ARR3: variants seen among roughly 807,000 people sequenced by gnomAD.
ARR3 encodes arrestin 3, also known as arrestin-C.
Under a neutral mutation model 35.4 loss-of-function variants are expected in ARR3, and 14 were observed. The ratio of observed to expected loss-of-function variants is 0.40; its 90% confidence interval spans 0.26 to 0.62. ARR3 has a LOEUF of 0.62. ARR3 is among the 20% of genes least tolerant of loss of function. The probability of loss-of-function intolerance (pLI) is 0.46; values close to 1 mark genes in which losing one functional copy is unlikely to be tolerated. For synonymous variants in ARR3, 97 were observed against 119.1 expected (o/e 0.81, Z 1.21); for missense variants, 259 against 303.8 (o/e 0.85, Z 1.10).
intron 5 of ARR3, 21 bp downstream of exon 5, chrX:70,270,165 G>A: frequency 8.3e-7 from 1 of 1,201,343 alleles, no homozygotes; most frequent in Non-Finnish European, 1.1e-6. Context: ...ATCCTTGTTG[G>A]TCTTTGTATG....
intron 5 of ARR3, among the ~76,000 whole-genome samples, chrX:70,272,888 T>C (rs1232783719): frequency 1.8e-5 from 2 of 112,579 alleles, no homozygotes; most frequent in Non-Finnish European, 3.7e-5. Context: ...AGTTGCTTTC[T>C]ACTCAAGTGC....
intron 5 of ARR3, among the ~76,000 whole-genome samples, chrX:70,275,311 G>A (rs148430866): frequency 1.8e-3 from 204 of 112,042 alleles, no homozygotes; most frequent in Middle Eastern, 0.014. Context: ...ATCTTATCTC[G>A]TTGTGGTTTT....
chrX:70,277,521 G>C lies in ARR3; in HGVS notation c.601G>C (p.Asp201His). ...GCCCCTACAACTCCAGGCCTGGATG[G>C]ACAGGGAGGTTTGTGACCCCCACTT... is the stretch of plus-strand genomic sequence containing the variant. ...AQPLQLQAWMDREVHYHGEPI... is the reference protein window; with the variant it reads ...AQPLQLQAWMHREVHYHGEPI... The change falls in exon 9 of 17, where the codon GAC (aspartate) becomes CAC (histidine). Residue 201 changes from aspartate (D) to histidine (H), a missense_variant. By Grantham distance (81) the Asp-to-His change is moderately conservative. Transcript: ENST00000307959. 1 of 1,209,720 alleles carries C rather than the reference G, an allele frequency of 8.3e-7. No homozygotes were observed. Among genetic ancestry groups the C allele is most frequent in the Non-Finnish European group, 1.1e-6 (1 of 894,621 alleles).
intron 14 of ARR3, 66 bp from the exon 15 acceptor site, chrX:70,280,700 G>C: frequency 8.3e-7 from 1 of 1,202,846 alleles, no homozygotes; most frequent in Non-Finnish European, 1.1e-6. Context: ...GAAAACTAAG[G>C]GAGGGAGGTT....
intron 15 of ARR3, 104 bp from the exon 16 acceptor site, chrX:70,280,994 TG>T: frequency 3.2e-6 from 2 of 623,156 alleles, no homozygotes. Flanking sequence ...AGCAAAGGAT[TG>T]GGAAGTTGGG....
At chrX:70,274,601 G>C (rs1299187053) in intron 5 of ARR3, among the ~76,000 whole-genome samples, 1 of 112,527 alleles carries the variant, frequency 8.9e-6, no homozygotes, top group East Asian at 2.8e-4. Flanking sequence ...ATAAAGAACA[G>C]ATATTTATTT....
intron 16 of ARR3, 133 bp from the exon 17 acceptor site, chrX:70,281,543 A>C (rs1260050474): frequency 9.2e-6 from 5 of 540,569 alleles, no homozygotes; most frequent in Non-Finnish European, 1.6e-5. Context: ...TGGGGACACC[A>C]AGAGGGGGCC....
chrX:70,278,780 C>T, intron 12 of ARR3, 139 bp downstream of exon 12: 1 of 829,149 alleles, frequency 1.2e-6, no homozygotes, highest in Non-Finnish European at 1.6e-6. Flanking sequence ...TCAGAGACTC[C>T]TCCAGGCCTA....
Position 70,276,183 on chromosome X carries a change from G to T in ARR3, c.247G>T (p.Val83Phe). ...KDLYVQTLQV[V>F]PAESSSPQGP... ...TCTGTATGTGCAGACCCTGCAAGTG[G>T]TCCCAGCTGAATCCAGCAGCCCTCA... The change falls in exon 6 of 17, where the codon GTC (valine) becomes TTC (phenylalanine). Residue 83 changes from valine (V) to phenylalanine (F), a missense_variant. Physicochemically the swap from Val to Phe is conservative, Grantham distance 50 (BLOSUM62 -1). Coordinates refer to ENST00000307959, the MANE Select transcript of ARR3 (RefSeq NM_004312.3). The T allele has an allele frequency of 2.5e-6, 3 of 1,211,705 alleles. No homozygotes were observed. Among genetic ancestry groups the T allele is most frequent in the Non-Finnish European group, 3.4e-6 (3 of 895,464 alleles).
chrX:70,271,854 T>C (rs777862126), intron 5 of ARR3, among the ~76,000 whole-genome samples: 2 of 111,610 alleles, frequency 1.8e-5, no homozygotes, highest in South Asian at 7.5e-4. Context: ...AACTTTAAAA[T>C]AGATACTGAC....
intron 12 of ARR3, 83 bp downstream of exon 12, chrX:70,278,724 G>A: frequency 1.8e-6 from 2 of 1,107,453 alleles, no homozygotes; most frequent in Non-Finnish European, 2.4e-6. Flanking sequence ...GAGGTTTCAT[G>A]TTCAGTAAAG....
intron 8 of ARR3, among the ~76,000 whole-genome samples, 193 bp downstream of exon 8, chrX:70,276,929 C>A (rs1376982890): frequency 9.0e-6 from 1 of 111,343 alleles, no homozygotes; most frequent in Non-Finnish European, 1.9e-5. Context: ...TGTAATGGGC[C>A]AAAAAAAGAA....
intron 15 of ARR3, 89 bp from the exon 16 acceptor site, chrX:70,281,010 G>T: frequency 1.1e-6 from 1 of 946,217 alleles, no homozygotes; most frequent in Non-Finnish European, 1.4e-6. Flanking sequence ...GTTGGGGGGG[G>T]GGGAAGTAAA....
intron 1 of ARR3, among the ~76,000 whole-genome samples, chrX:70,268,879 C>CCATTCATTCATTCATT (rs58504509): frequency 8.1e-5 from 9 of 110,896 alleles, no homozygotes; most frequent in African/African-American, 3.0e-4. Flanking sequence ...ATTGATTTGT[C>CCATTCATTCATTCATT]CATTCATTCA....
In ARR3 at chrX:70,281,116, AATACAAGAT is replaced by A. The variant is rs1238768860; in HGVS notation, c.1076+9_1076+17del. 5.8e-6 allele frequency: 7 copies of A among 1,207,415 alleles called. No homozygotes were observed. In the African/African-American group the frequency reaches 1.2e-4, roughly 21 times the overall value. The stretch of plus-strand genomic sequence containing the variant: ...TGCTACAGAGGCCGCTAGGTAATGG[AATACAAGAT>A]TGGGAAGCCCCATTCCCCTCTTCCC... On this transcript the variant is annotated intron_variant, in intron 16 of 16. Transcript: ENST00000307959.
At chrX:70,280,077 C>A in intron 12 of ARR3, 118 bp from the exon 13 acceptor site, 1 of 642,839 alleles carries the variant, frequency 1.6e-6, no homozygotes, top group Non-Finnish European at 2.4e-6. Flanking sequence ...GGGAGATATT[C>A]TGGGATAAGA....
chrX:70,280,508 T>C, intron 13 of ARR3, 51 bp from the exon 14 acceptor site: 1 of 1,154,752 alleles, frequency 8.7e-7, no homozygotes, highest in Non-Finnish European at 1.2e-6. Context: ...GAAACTAGGT[T>C]GCCCCTTCTC....
chrX:70,269,446 C>T, intron 2 of ARR3, 53 bp downstream of exon 2: 3 of 1,103,469 alleles, frequency 2.7e-6, no homozygotes, highest in Non-Finnish European at 3.7e-6. Context: ...TACCCCAATC[C>T]AAGTATTTCC....
chrX:70,278,338 G>C (rs1265488500), intron 11 of ARR3, among the ~76,000 whole-genome samples, 166 bp from the exon 12 acceptor site: 1 of 111,339 alleles, frequency 9.0e-6, no homozygotes, highest in Non-Finnish European at 1.9e-5. Context: ...AGGGGCATAA[G>C]GATTTCCCAC....
Sources: gnomAD v4.1 joint callset for allele counts (sites outside exome capture counted in the v4.1 genomes callset) on GRCh38, gnomAD v4.1.1 for gene constraint, MANE v1.5 for transcripts, NCBI Gene and HGNC (gene_info 2026-07-23, HGNC 2026-07-21) for gene names.